STK33: variants seen among roughly 807,000 people sequenced by gnomAD.
STK33 encodes serine/threonine-protein kinase 33.
A neutral mutation model predicts 58.0 loss-of-function variants in STK33; 52 were observed. The ratio of observed to expected loss-of-function variants is 0.90; its 90% CI spans 0.72 to 1.13. The LOEUF (loss-of-function observed/expected upper bound fraction) is 1.13, where lower values mean the gene tolerates loss of function less well. Ranked by LOEUF, STK33 falls within the 50% of genes most tolerant of loss-of-function variation. STK33 has a pLI of 0.00. For synonymous variants in STK33, 215 were observed against 200.1 expected, an observed-to-expected ratio of 1.07 and a Z score of -0.63; for missense variants, 630 against 604.2, an observed-to-expected ratio of 1.04 and a Z score of -0.45.
chr11:8,550,524 T>C (rs560154497), intron 1 of STK33, among the ~76,000 whole-genome samples: 7 of 152,278 alleles, frequency 4.6e-5, no homozygotes, highest in African/African-American at 1.4e-4. Context: ...AAACTGAATA[T>C]CTTTAACAGC....
chr11:8,504,223 T>C (rs1013105431), intron 1 of STK33, among the ~76,000 whole-genome samples: 15 of 152,178 alleles, frequency 9.9e-5, no homozygotes, highest in African/African-American at 3.6e-4. Context: ...AGATAGGAGC[T>C]TTTCTACTCC....
At chr11:8,538,954 CA>C (rs1385240329) in intron 1 of STK33, among the ~76,000 whole-genome samples, 1 of 152,074 alleles carries the variant, frequency 6.6e-6, no homozygotes, top group African/African-American at 2.4e-5. Context: ...ACCTTTCTGA[CA>C]AAAGAAGGAT....
intron 1 of STK33, among the ~76,000 whole-genome samples, chr11:8,537,632 C>A (rs918334957): frequency 6.6e-6 from 1 of 151,752 alleles, no homozygotes; most frequent in East Asian, 1.9e-4. Context: ...ATGTGCCAAG[C>A]GCTGTGGCTC....
the STK33 span, among the ~76,000 whole-genome samples, chr11:8,361,793 A>C: frequency 1.3e-5 from 2 of 152,232 alleles, no homozygotes; most frequent in African/African-American, 4.8e-5. This position sits in a 1 kb window ranked among gnomAD's most constrained non-coding sequence, Gnocchi z 4.8. Context: ...ACACAGCAGC[A>C]CAGTGGCATG....
the STK33 span, among the ~76,000 whole-genome samples, chr11:8,381,455 AGCT>A: frequency 6.6e-6 from 1 of 152,150 alleles, no homozygotes; most frequent in Admixed American, 6.5e-5. Flanking sequence ...AAGCAGGGAC[AGCT>A]GCTGGGGCTG....
At chr11:8,341,125 G>A in the STK33 span, among the ~76,000 whole-genome samples, 1 of 152,080 alleles carries the variant, frequency 6.6e-6, no homozygotes, top group Non-Finnish European at 1.5e-5. Flanking sequence ...CCAAAGTGCT[G>A]GGATTACAGG....
At chr11:8,457,004 C>A (rs930841268) in intron 9 of STK33, among the ~76,000 whole-genome samples, 4 of 151,732 alleles carry the variant, frequency 2.6e-5, no homozygotes, top group Non-Finnish European at 5.9e-5. Flanking sequence ...TCTACAAAGA[C>A]AAAAAAATGC....
At chr11:8,357,543 G>A in the STK33 span, among the ~76,000 whole-genome samples, 517 of 152,362 alleles carry the variant, frequency 3.4e-3, 1 homozygote, top group Non-Finnish European at 4.0e-3. Context: ...GCATAATTGG[G>A]CTCCTAATTC....
chr11:8,499,460 T>A (rs755517220), intron 1 of STK33, among the ~76,000 whole-genome samples: 1 of 152,230 alleles, frequency 6.6e-6, no homozygotes, highest in South Asian at 2.1e-4. Context: ...GGAGCGCTGT[T>A]ACACTGTTGG....
intron 1 of STK33, among the ~76,000 whole-genome samples, chr11:8,530,613 GCAAACTTAATAGGATGCCGTGAAAGC>G (rs1187312592): frequency 2.0e-5 from 3 of 152,020 alleles, no homozygotes; most frequent in Non-Finnish European, 1.5e-5. Flanking sequence ...ATGTTTCATA[GCAAACTTAATAGGATGCCGTGAAAGC>G]CAAACTTAAA....
rs370282774 is a variant in STK33, at chr11:8,510,030, T to C, written c.-465-29416A>G. 2.8e-4 allele frequency among the ~76,000 whole-genome samples: 43 copies of C among 152,344 alleles called. 1 individual carries two copies. The South Asian group carries it at 7.2e-3, about 26-fold the overall frequency. ...TTTGGGTAGATACTCAGCAGTGGGATTGCCAGATCAAATGGTAGTTCTACT... is the reference window on the plus strand; with the variant it reads ...TTTGGGTAGATACTCAGCAGTGGGACTGCCAGATCAAATGGTAGTTCTACT... On this transcript the variant is annotated intron_variant, in intron 1 of 15. Coordinates refer to ENST00000687296, the MANE Select transcript of STK33 (RefSeq NM_001352389.2).
At chr11:8,380,524 C>T in the STK33 span, among the ~76,000 whole-genome samples, 1 of 149,686 alleles carries the variant, frequency 6.7e-6, no homozygotes, top group African/African-American at 2.5e-5. Context: ...CATGCCATTG[C>T]ACTCCAGCCT....
chr11:8,409,435 G>A (rs1254758243), intron 15 of STK33, among the ~76,000 whole-genome samples: 1 of 152,112 alleles, frequency 6.6e-6, no homozygotes, highest in African/African-American at 2.4e-5. Context: ...CCAGAATAAC[G>A]GCCAAGACCA....
downstream of STK33, among the ~76,000 whole-genome samples, chr11:8,390,336 A>C (rs2134834011): frequency 6.6e-6 from 1 of 152,338 alleles, no homozygotes; most frequent in African/African-American, 2.4e-5. Context: ...CATGCTATGG[A>C]GCACAGGAGG....
the STK33 span, among the ~76,000 whole-genome samples, chr11:8,376,710 T>A: frequency 1.3e-5 from 2 of 152,032 alleles, no homozygotes; most frequent in Non-Finnish European, 2.9e-5. Context: ...CCTGGCCAGT[T>A]TTTTGTATTT....
chr11:8,500,388 T>C (rs548390822), intron 1 of STK33, among the ~76,000 whole-genome samples: 1 of 152,172 alleles, frequency 6.6e-6, no homozygotes, highest in Admixed American at 6.5e-5. Context: ...AGCAAGGTTA[T>C]AGAAGATCAA....
chr11:8,539,786 T>C (rs1276967373), intron 1 of STK33, among the ~76,000 whole-genome samples: 1 of 152,186 alleles, frequency 6.6e-6, no homozygotes, highest in African/African-American at 2.4e-5. Flanking sequence ...TGAGGTTACA[T>C]TACACCCTTA....
chr11:8,498,880 T>A (rs974183726), intron 1 of STK33, among the ~76,000 whole-genome samples: 1 of 152,234 alleles, frequency 6.6e-6, no homozygotes, highest in Non-Finnish European at 1.5e-5. Context: ...GCTAGCCATA[T>A]GCAGAAAACT....
chr11:8,448,747 C>T (rs972196852), intron 11 of STK33, among the ~76,000 whole-genome samples: 45 of 152,158 alleles, frequency 3.0e-4, no homozygotes, highest in African/African-American at 9.6e-4. Context: ...TCTAAAACAC[C>T]AAAAGCAATG....
Sources: gnomAD v4.1 joint callset for allele counts (sites outside exome capture counted in the v4.1 genomes callset) on GRCh38, gnomAD v4.1.1 for gene constraint, Gnocchi (gnomAD v3.1) non-coding constraint, MANE v1.5 for transcripts, NCBI Gene and HGNC (gene_info 2026-07-23, HGNC 2026-07-21) for gene names.